The following CCDC15 variants were observed in gnomAD, a reference collection of about 807,000 sequenced individuals.
CCDC15 encodes coiled-coil domain containing 15.
A neutral mutation model predicts 114.5 loss-of-function variants in CCDC15; 105 were observed. That is an observed-to-expected ratio of 0.92 (90% confidence interval 0.78 to 1.08). The LOEUF is 1.08. CCDC15 is among the 50% of genes least tolerant of loss of function. The probability of loss-of-function intolerance (pLI) is 0.00; values close to 1 mark genes in which losing one functional copy is unlikely to be tolerated. For synonymous variants in CCDC15, 334 were observed against 377.8 expected, an observed-to-expected ratio of 0.88 and a Z score of 1.34; for missense variants, 1,105 against 1,093.6, an observed-to-expected ratio of 1.01 and a Z score of -0.15.
chr11:124,960,769 G>A (rs1032384178), intron 4 of CCDC15, among the ~76,000 whole-genome samples: 3 of 152,030 alleles, frequency 2.0e-5, no homozygotes, highest in African/African-American at 7.2e-5. Flanking sequence ...TGTCCATTTA[G>A]CCCCCACCTT....
chr11:124,976,981 T>C (rs1177285969), intron 5 of CCDC15, among the ~76,000 whole-genome samples: 1 of 152,160 alleles, frequency 6.6e-6, no homozygotes, highest in African/African-American at 2.4e-5. Context: ...TCTTATTACT[T>C]GTATCAAGCT....
intron 5 of CCDC15, among the ~76,000 whole-genome samples, 198 bp from the exon 6 acceptor site, chr11:124,977,280 G>A (rs1947989357): frequency 6.6e-6 from 1 of 152,082 alleles, no homozygotes; most frequent in Non-Finnish European, 1.5e-5. Context: ...ATATTCTCCT[G>A]TTTTATTCCA....
chr11:124,999,555 G>A (rs1948436596), intron 11 of CCDC15, among the ~76,000 whole-genome samples: 1 of 149,570 alleles, frequency 6.7e-6, no homozygotes, highest in South Asian at 2.1e-4. Context: ...TTCTTCTATT[G>A]AGTCTATCCA....
rs1565376097 is a variant in CCDC15 at position 125,003,859 on chromosome 11, C to G, written c.2215-8C>G. 3.3e-6 allele frequency: 5 copies of G among 1,530,580 alleles called. No individual in the cohort carries two copies. 94.8% of individuals were successfully genotyped at this position (1,530,580 alleles called of 1,614,324 possible). A position where few individuals can be genotyped will look rare whatever the true frequency, so the allele number is the denominator to read the frequency against. On this transcript the variant is annotated splice_region_variant and splice_polypyrimidine_tract_variant and intron_variant, in intron 11 of 15. Transcript: ENST00000344762. ...TTGTCACTTTGTGTGACTGGACCTT[C>G]TTAACAGGCTTATGATAGGTATCAA...
rs184431104 is a variant in CCDC15 at position 125,029,279 on chromosome 11, C to T, written c.2412-9152C>T. On this transcript the variant is annotated intron_variant, in intron 13 of 15. Transcript: ENST00000344762. ...CTTCTATCCAATCAAGTTGACACTC[C>T]GTATTAACCATCACAAGTCTACCAC... Among the ~76,000 whole-genome samples, 304 of 152,192 alleles carry T rather than the reference C, an allele frequency of 2.0e-3. 2 individuals carry two copies. Among genetic ancestry groups the T allele is most frequent in the African/African-American group, 6.9e-3 (286 of 41,538 alleles).
intron 12 of CCDC15, 74 bp from the exon 13 acceptor site, chr11:125,005,035 G>A: frequency 1.6e-6 from 1 of 633,108 alleles, no homozygotes; most frequent in Non-Finnish European, 2.7e-6. Context: ...TTTGTCTATG[G>A]TATAAGAATA....
chr11:125,038,468 G>C lies in CCDC15; in HGVS notation c.2449G>C (p.Glu817Gln). Residue 817 changes from glutamate (E) to glutamine (Q), a missense_variant, in exon 14 of 16, where the codon GAG (glutamate) becomes CAG (glutamine). Coordinates refer to ENST00000344762, the MANE Select transcript of CCDC15 (RefSeq NM_025004.3). The stretch of plus-strand genomic sequence containing the variant: ...GAGAGAGCAAGAATGTTATGCTGCA[G>C]AGCAGAGGATCCTAAGAATGAACTT... Reference protein sequence around the residue: ...KKREQECYAAEQRILRMNFHE... With the variant: ...KKREQECYAAQQRILRMNFHE... 1 of 1,576,598 alleles carries C rather than the reference G, an allele frequency of 6.3e-7. No homozygotes were observed. The highest frequency in any genetic ancestry group is 8.6e-7 in the Non-Finnish European group (1 of 1,161,218).
chr11:125,029,243 A>G (rs1261033748), intron 13 of CCDC15, among the ~76,000 whole-genome samples: 2 of 152,190 alleles, frequency 1.3e-5, no homozygotes, highest in African/African-American at 2.4e-5. Context: ...CCCAGGATCA[A>G]TACTTTGTAT....
chr11:124,968,275 G>A (rs1246264792), intron 4 of CCDC15, among the ~76,000 whole-genome samples: 1 of 151,390 alleles, frequency 6.6e-6, no homozygotes, highest in East Asian at 1.9e-4. Flanking sequence ...AGTCTACAGA[G>A]GCAGACAGGC....
At chr11:125,023,389 T>G (rs1236848452) in intron 13 of CCDC15, among the ~76,000 whole-genome samples, 1 of 151,972 alleles carries the variant, frequency 6.6e-6, no homozygotes, top group African/African-American at 2.4e-5. Context: ...TATTTATAAA[T>G]CATATATCTG....
chr11:124,972,132 G>C (rs1422747175), intron 4 of CCDC15, among the ~76,000 whole-genome samples: 1 of 151,972 alleles, frequency 6.6e-6, no homozygotes, highest in African/African-American at 2.4e-5. Context: ...CATTTGCTAG[G>C]TTTTCTATTT....
At chr11:124,984,411 CAG>C (rs1196610594) in intron 6 of CCDC15, among the ~76,000 whole-genome samples, 6 of 152,086 alleles carry the variant, frequency 3.9e-5, no homozygotes, top group African/African-American at 9.7e-5. Flanking sequence ...GGCTGGTAGA[CAG>C]GGGTGCACTC....
chr11:125,036,301 A>T, intron 13 of CCDC15, among the ~76,000 whole-genome samples: 2 of 88,828 alleles, frequency 2.3e-5, no homozygotes, highest in South Asian at 4.4e-4. Flanking sequence ...ATATTATGTC[A>T]CTCTTTCCTG....
intron 8 of CCDC15, among the ~76,000 whole-genome samples, chr11:124,988,956 A>G (rs1948222979): frequency 6.6e-6 from 1 of 152,158 alleles, no homozygotes; most frequent in South Asian, 2.1e-4. Flanking sequence ...GGTTCGAATC[A>G]ACTTCTTCCA....
At position 125,036,834 on chromosome 11, in the gene CCDC15, A is replaced by G. The variant is rs559652624; in HGVS notation, c.2412-1597A>G. Among the ~76,000 whole-genome samples the G allele has an allele frequency of 2.1e-3, 320 of 151,978 alleles. 2 individuals are homozygous for G. Among genetic ancestry groups the G allele is most frequent in the African/African-American group, 7.3e-3 (301 of 41,432 alleles). On this transcript the variant is annotated intron_variant, in intron 13 of 15. Transcript: ENST00000344762. ...TACTTGATTCTTTTAAATTATTTCA[A>G]TCTCTTTATTAAATTTATCTGATAG...
chr11:125,016,421 G>A (rs765001982), intron 13 of CCDC15, among the ~76,000 whole-genome samples: 7 of 152,198 alleles, frequency 4.6e-5, no homozygotes, highest in Non-Finnish European at 7.4e-5. Context: ...TCTTTATCAA[G>A]TTGTCTAGTG....
chr11:125,003,761 T>C (rs1174639387), intron 11 of CCDC15, 106 bp from the exon 12 acceptor site: 5 of 636,260 alleles, frequency 7.9e-6, no homozygotes, highest in African/African-American at 2.0e-5. Context: ...CTTTATCCAA[T>C]TGAGCCCAAG....
rs541751345 is a variant in CCDC15 at position 124,980,584 on chromosome 11, G to GT, written c.753+2991dup. Among the ~76,000 whole-genome samples the GT allele has an allele frequency of 3.0e-3, 462 of 152,220 alleles. 4 individuals carry two copies. The highest frequency in any genetic ancestry group is 3.7e-3 in the Non-Finnish European group (255 of 68,018). ...GAGGTGTTCATCATAGTCTCCAAGGGTTTTTTTGTGTTTCTGTGAGGCCAG... is the reference window on the plus strand; with the variant it reads ...GAGGTGTTCATCATAGTCTCCAAGGGTTTTTTTTGTGTTTCTGTGAGGCCAG... On this transcript the variant is annotated intron_variant, in intron 6 of 15. Transcript: ENST00000344762.
intron 6 of CCDC15, among the ~76,000 whole-genome samples, chr11:124,983,797 G>A (rs1316286857): frequency 1.3e-5 from 2 of 152,156 alleles, no homozygotes; most frequent in Admixed American, 1.3e-4. Flanking sequence ...TACACGCCGT[G>A]GTGGGGTGCC....
Sources: gnomAD v4.1 joint callset for allele counts (sites outside exome capture counted in the v4.1 genomes callset) on GRCh38, gnomAD v4.1.1 for gene constraint, MANE v1.5 for transcripts, NCBI Gene and HGNC (gene_info 2026-07-23, HGNC 2026-07-21) for gene names.